Variants in LIN7A observed in about 807,000 individuals in gnomAD.
LIN7A encodes protein lin-7 homolog A.
A neutral mutation model predicts 29.8 loss-of-function variants in LIN7A; 25 were observed. That is an observed-to-expected ratio of 0.84 (90% CI 0.61 to 1.17). The LOEUF (loss-of-function observed/expected upper bound fraction) is 1.17, where lower values mean the gene tolerates loss of function less well. Ranked by LOEUF, LIN7A falls within the 50% of genes most tolerant of loss-of-function variation. The probability of loss-of-function intolerance (pLI) is 0.00; values close to 1 mark genes in which losing one functional copy is unlikely to be tolerated. For missense variants in LIN7A, 239 were observed against 287.0 expected (o/e 0.83, Z 1.21); for synonymous variants, 118 against 107.5 (o/e 1.10, Z -0.60).
At chr12:80,853,837 G>A (rs546339251) in intron 2 of LIN7A, among the ~76,000 whole-genome samples, 20 of 152,094 alleles carry the variant, frequency 1.3e-4, no homozygotes, top group East Asian at 5.8e-4. Flanking sequence ...GCTTACAGCC[G>A]TCCACCACCA....
intron 1 of LIN7A, among the ~76,000 whole-genome samples, chr12:80,896,127 G>C (rs1875880623): frequency 6.6e-6 from 1 of 152,094 alleles, no homozygotes; most frequent in Non-Finnish European, 1.5e-5. Context: ...ATCTGGGAAA[G>C]GTCTGGAAAA....
At chr12:80,823,365 A>T (rs979850552) in intron 4 of LIN7A, among the ~76,000 whole-genome samples, 5 of 152,094 alleles carry the variant, frequency 3.3e-5, no homozygotes, top group African/African-American at 1.2e-4. Context: ...GTTCCTGGCT[A>T]CTCCAAGCTT....
chr12:80,854,811 G>T (rs2121549629), intron 2 of LIN7A, among the ~76,000 whole-genome samples: 1 of 152,068 alleles, frequency 6.6e-6, no homozygotes, highest in African/African-American at 2.4e-5. Flanking sequence ...ACATAGGAAA[G>T]CAGAAAATAT....
chr12:80,850,729 C>T (rs538401412), intron 2 of LIN7A, among the ~76,000 whole-genome samples: 1 of 152,162 alleles, frequency 6.6e-6, no homozygotes, highest in Non-Finnish European at 1.5e-5. Context: ...AGGAATTAAG[C>T]TATACCTTTT....
At chr12:80,876,487 G>A (rs567860407) in intron 2 of LIN7A, among the ~76,000 whole-genome samples, 1 of 152,116 alleles carries the variant, frequency 6.6e-6, no homozygotes, top group Admixed American at 6.5e-5. Flanking sequence ...AAGTTACAAA[G>A]GAAGATAATA....
intron 4 of LIN7A, among the ~76,000 whole-genome samples, chr12:80,820,519 C>A (rs187882772): frequency 3.9e-5 from 6 of 152,182 alleles, no homozygotes; most frequent in Admixed American, 1.3e-4. Context: ...AAACTGGAAA[C>A]AAATGCAGCT....
chr12:80,888,010 C>T (rs905193890), intron 2 of LIN7A, among the ~76,000 whole-genome samples: 5 of 152,080 alleles, frequency 3.3e-5, no homozygotes, highest in African/African-American at 9.7e-5. Flanking sequence ...ATCAAGAGGA[C>T]GCTCATGCAG....
chr12:80,808,458 C>T (rs191489501), intron 5 of LIN7A, among the ~76,000 whole-genome samples: 5 of 152,024 alleles, frequency 3.3e-5, no homozygotes, highest in African/African-American at 1.2e-4. Flanking sequence ...TCGCTTGTAA[C>T]AGTGTCAAAT....
At chr12:80,930,321 C>T (rs574563694) in intron 1 of LIN7A, among the ~76,000 whole-genome samples, 1 of 152,036 alleles carries the variant, frequency 6.6e-6, no homozygotes, top group South Asian at 2.1e-4. Context: ...TGTTTGAATT[C>T]AGTTAGTATA....
At chr12:80,878,620 T>C (rs1309280656) in intron 2 of LIN7A, among the ~76,000 whole-genome samples, 1 of 152,208 alleles carries the variant, frequency 6.6e-6, no homozygotes, top group Admixed American at 6.5e-5. Context: ...CTGAGCGGGT[T>C]GCTGCTGTTG....
chr12:80,834,523 C>A (rs1233513995), intron 4 of LIN7A, among the ~76,000 whole-genome samples: 1 of 152,034 alleles, frequency 6.6e-6, no homozygotes, highest in African/African-American at 2.4e-5. Context: ...GAGAAAGAAA[C>A]CCAAGTAGGA....
rs1426897582 is a variant in LIN7A, at chr12:80,794,562, G to A, written c.*3165C>T. The A allele has an allele frequency of 6.6e-6, 1 of 152,114 alleles. No homozygotes were observed. The highest frequency in any genetic ancestry group is 1.9e-4 in the East Asian group (1 of 5,198). The allele number at this position is 152,114 out of a possible 1,614,324, so 9.4% of individuals were successfully genotyped here. The stretch of plus-strand genomic sequence containing the variant: ...AGTTGAGTAACATGAAATGAGATAA[G>A]ATCAGTTTGATGTCACAGTTGAAAA... On this transcript the variant is annotated 3_prime_UTR_variant, in exon 6 of 6. Transcript: ENST00000552864.
At chr12:80,918,859 G>A (rs945691719) in intron 1 of LIN7A, among the ~76,000 whole-genome samples, 1 of 152,208 alleles carries the variant, frequency 6.6e-6, no homozygotes, top group African/African-American at 2.4e-5. Context: ...CTGCATATAT[G>A]ATAATGATCT....
intron 1 of LIN7A, among the ~76,000 whole-genome samples, chr12:80,927,968 T>C (rs1877695828): frequency 6.6e-6 from 1 of 152,206 alleles, no homozygotes; most frequent in Admixed American, 6.5e-5. Flanking sequence ...TTTGGTTTTC[T>C]GTCCTTGTGA....
At chr12:80,808,696 G>A (rs1407263238) in intron 5 of LIN7A, among the ~76,000 whole-genome samples, 1 of 151,712 alleles carries the variant, frequency 6.6e-6, no homozygotes, top group East Asian at 1.9e-4. Flanking sequence ...TAGTAGAGAC[G>A]AGGTTTCACC....
intron 1 of LIN7A, chr12:80,935,967 C>A: frequency 4.5e-6 from 1 of 223,870 alleles, no homozygotes. Flanking sequence ...TAAAATGACC[C>A]AGGTATGCAA....
At chr12:80,837,267 C>T (rs1449541145) in intron 4 of LIN7A, among the ~76,000 whole-genome samples, 2 of 151,954 alleles carry the variant, frequency 1.3e-5, no homozygotes, top group African/African-American at 4.8e-5. Context: ...AATATCAGGT[C>T]CTATTCCCCA....
intron 2 of LIN7A, among the ~76,000 whole-genome samples, chr12:80,853,914 G>A (rs1022293314): frequency 5.9e-5 from 9 of 152,088 alleles, no homozygotes; most frequent in Middle Eastern, 3.4e-3. Context: ...GGCTGGTCTC[G>A]AACTCCTGAC....
intron 2 of LIN7A, among the ~76,000 whole-genome samples, chr12:80,869,874 T>C (rs1874341678): frequency 6.6e-6 from 1 of 152,060 alleles, no homozygotes; most frequent in African/African-American, 2.4e-5. Flanking sequence ...CAGTGTTGCA[T>C]GGAAACCTAT....
Sources: gnomAD v4.1 joint callset for allele counts (sites outside exome capture counted in the v4.1 genomes callset) on GRCh38, gnomAD v4.1.1 for gene constraint, MANE v1.5 for transcripts, NCBI Gene and HGNC (gene_info 2026-07-23, HGNC 2026-07-21) for gene names.